WDR81: variants seen among roughly 807,000 people sequenced by gnomAD.
WDR81 encodes the protein WD repeat-containing protein 81.
In WDR81, 92 loss-of-function variants were observed where a neutral mutation model predicts 140.8. The ratio of observed to expected loss-of-function variants is 0.65; its 90% CI spans 0.55 to 0.78. The LOEUF is 0.78. Ranked by LOEUF, WDR81 falls within the 30% of genes least tolerant of loss-of-function variation. The pLI, the probability that WDR81 is intolerant of heterozygous loss-of-function variation, is 0.00. For synonymous variants in WDR81, 1,183 were observed against 1,156.4 expected (o/e 1.02, Z -0.47); for missense variants, 2,502 against 2,636.4 (o/e 0.95, Z 1.12).
chr17:1,722,348 T>A (rs979796008), upstream of WDR81, among the ~76,000 whole-genome samples: 5 of 121,184 alleles, frequency 4.1e-5, no homozygotes, highest in Non-Finnish European at 9.4e-5. Flanking sequence ...TTTCTCTCTC[T>A]TTTTTTTTTT....
Position 1,726,725 on chromosome 17 carries a change from C to T in WDR81, c.1766C>T (p.Pro589Leu). The stretch of plus-strand genomic sequence containing the variant: ...GTGCAGCTCTTCGATCAGCCACACC[C>T]CCAGCGCCTGGCTGGGGCTCCTGCC... ...GVVQLFDQPH[P>L]QRLAGAPALA... Residue 589 changes from proline (P) to leucine (L), a missense_variant, in exon 1 of 10, where the codon CCC becomes CTC. Physicochemically the swap from Pro to Leu is moderately conservative, Grantham distance 98 (BLOSUM62 -3). Coordinates refer to ENST00000409644, the MANE Select transcript of WDR81 (RefSeq NM_001163809.2). 1.3e-6 allele frequency: 2 copies of T among 1,548,438 alleles called. No homozygotes were observed. Among genetic ancestry groups the T allele is most frequent in the Non-Finnish European group, 8.7e-7 (1 of 1,146,594 alleles).
intron 9 of WDR81, 32 bp downstream of exon 9, chr17:1,736,250 C>T: frequency 6.3e-7 from 1 of 1,579,446 alleles, no homozygotes; most frequent in South Asian, 1.1e-5. Flanking sequence ...CCCTTGCTGC[C>T]CAACCCCCGC....
At chr17:1,717,917 C>T (rs1914666589) in intron 1 of WDR81, among the ~76,000 whole-genome samples, 1 of 152,048 alleles carries the variant, frequency 6.6e-6, no homozygotes, top group South Asian at 2.1e-4. Flanking sequence ...TGGTGGCTGG[C>T]GCTGGGGAGG....
At position 1,735,229 on chromosome 17, in the gene WDR81, A is replaced by G. The variant is rs1904753213; in HGVS notation, c.5180-343A>G. ...TGGATCATGAGGTCAGGAGATCGAGACCATCCAGGCTAACATGGTAAAACC... is the reference window on the plus strand; with the variant it reads ...TGGATCATGAGGTCAGGAGATCGAGGCCATCCAGGCTAACATGGTAAAACC... On this transcript the variant is annotated intron_variant, in intron 7 of 9. Coordinates refer to ENST00000409644, the MANE Select transcript of WDR81 (RefSeq NM_001163809.2). This position sits in a 1 kb window ranked among gnomAD's most constrained non-coding sequence, Gnocchi z 4.2. Among the ~76,000 whole-genome samples the G allele has an allele frequency of 6.6e-6, 1 of 152,134 alleles. No individual in the cohort carries two copies. Among genetic ancestry groups the G allele is most frequent in the African/African-American group, 2.4e-5 (1 of 41,420 alleles).
rs1431914695 is a variant in WDR81 at position 1,728,103 on chromosome 17, G to A, written c.3144G>A (p.Glu1048=). 7 of 1,603,154 alleles carry A rather than the reference G, an allele frequency of 4.4e-6. No individual in the cohort carries two copies. The African/African-American group carries it at 6.7e-5, about 15-fold the overall frequency. Residue 1048 remains glutamate (E), a synonymous_variant, in exon 1 of 10, where the codon GAG becomes GAA. Transcript: ENST00000409644. ...GAGPGSCAFG[E]EIPMDGEPPA... ...GGCCTGGCTCCTGTGCTTTTGGGGAGGAGATTCCCATGGATGGGGAGCCTC... is the reference window on the plus strand; with the variant it reads ...GGCCTGGCTCCTGTGCTTTTGGGGAAGAGATTCCCATGGATGGGGAGCCTC...
In WDR81 at chr17:1,728,037, A is replaced by G; in HGVS notation, c.3078A>G (p.Ala1026=). ...EASQEESKDL[A]GAAEEEESGL... Reference sequence around the variant, plus strand: ...CCCAGGAGGAGAGCAAGGACCTGGCAGGGGCTGCTGAGGAGGAGGAGAGCG... The same window carrying G: ...CCCAGGAGGAGAGCAAGGACCTGGCGGGGGCTGCTGAGGAGGAGGAGAGCG... The change falls in exon 1 of 10, where the codon GCA becomes GCG. Residue 1026 remains alanine (A), a synonymous_variant. Coordinates refer to ENST00000409644, the MANE Select transcript of WDR81 (RefSeq NM_001163809.2). The G allele has an allele frequency of 6.4e-7, 1 of 1,555,710 alleles. No homozygotes were observed. The highest frequency in any genetic ancestry group is 8.7e-7 in the Non-Finnish European group (1 of 1,150,532).
In WDR81 at chr17:1,728,074, G is replaced by C. The variant is rs369748157; in HGVS notation, c.3115G>C (p.Ala1039Pro). The change falls in exon 1 of 10, where the codon GCC (alanine) becomes CCC (proline). Residue 1039 changes from alanine (A) to proline (P), a missense_variant. Physicochemically the swap from Ala to Pro is conservative, Grantham distance 27. This residue lies in a region of WDR81 where 1,737 missense variants were observed against 1,843.0 expected (regional missense o/e 0.94). Transcript: ENST00000409644. ...AEEEESGLPG[A>P]GPGSCAFGEE... ...GGAGGAGGAGAGCGGGCTGCCCGGG[G>C]CCGGGCCTGGCTCCTGTGCTTTTGG... 17 of 1,587,124 alleles carry C rather than the reference G, an allele frequency of 1.1e-5. No individual in the cohort carries two copies. In the Admixed American group the frequency reaches 2.9e-4, roughly 27 times the overall value.
chr17:1,732,161 C>T (rs181392530), intron 4 of WDR81, among the ~76,000 whole-genome samples, 164 bp from the exon 5 acceptor site: 91 of 152,254 alleles, frequency 6.0e-4, no homozygotes, highest in African/African-American at 2.1e-3. Flanking sequence ...CGCTTGAACC[C>T]GGGAGGCAGA....
chr17:1,729,913 G>A (rs536699972), intron 1 of WDR81, among the ~76,000 whole-genome samples: 9 of 151,898 alleles, frequency 5.9e-5, no homozygotes, highest in South Asian at 2.1e-4. Flanking sequence ...GAGTCAGGGC[G>A]GTGGAAGGTG....
At chr17:1,737,223 G>T (rs754644109) in intron 9 of WDR81, 142 bp from the exon 10 acceptor site, 70 of 697,868 alleles carry the variant, frequency 1.0e-4, no homozygotes, top group Non-Finnish European at 1.5e-4. Context: ...TATGGTGTGT[G>T]TGGGAGGGTG....
Position 1,731,212 on chromosome 17 carries a change from G to A in WDR81, c.4111G>A (p.Glu1371Lys). ...GGACATCCTGCCCCGGATCAGCCAT[G>A]AGGTCCTGCTGCCCGTGCTCAGCTT... ...LMDILPRISH[E>K]VLLPVLSFLT... is the part of the protein sequence containing the mutation. Residue 1371 changes from glutamate to lysine, a missense_variant, in exon 4 of 10, where the codon GAG becomes AAG. Coordinates refer to ENST00000409644, the MANE Select transcript of WDR81 (RefSeq NM_001163809.2). 6.2e-7 allele frequency: 1 copy of A among 1,613,586 alleles called. No homozygotes were observed. Among genetic ancestry groups the A allele is most frequent in the Non-Finnish European group, 8.5e-7 (1 of 1,180,002 alleles).
intron 9 of WDR81, 74 bp downstream of exon 9, chr17:1,736,292 T>C: frequency 6.6e-7 from 1 of 1,511,070 alleles, no homozygotes. Flanking sequence ...GCTTAGGGTC[T>C]GCCTGCCCGG....
rs376652517 is a variant in WDR81 at position 1,731,299 on chromosome 17, C to T, written c.4157+41C>T. 187 of 1,590,166 alleles carry T rather than the reference C, an allele frequency of 1.2e-4. 1 individual carries two copies. In the South Asian group the frequency reaches 1.6e-3, roughly 14 times the overall value. On this transcript the variant is annotated intron_variant, in intron 4 of 9. Transcript: ENST00000409644. ...AGCTGATGTAGGGGGACCGGCCCAG[C>T]GGAGGGGCTGCCCAGGAGGGGGTGG...
Position 1,727,158 on chromosome 17 carries a change from G to T in WDR81, c.2199G>T (p.Glu733Asp), listed in dbSNP as rs1385944354. The T allele has an allele frequency of 1.9e-6, 3 of 1,547,866 alleles. No individual in the cohort carries two copies. The highest frequency in any genetic ancestry group is 2.6e-6 in the Non-Finnish European group (3 of 1,145,202). ...EGFNPMQALEELEKTGNFLAK... is the reference protein window; with the variant it reads ...EGFNPMQALEDLEKTGNFLAK... The stretch of plus-strand genomic sequence containing the variant: ...TCAATCCCATGCAGGCCCTGGAGGA[G>T]CTGGAGAAAACGGGCAACTTCTTGG... Residue 733 changes from glutamate (E) to aspartate (D), a missense_variant, in exon 1 of 10, where the codon GAG becomes GAT. By Grantham distance (45) the Glu-to-Asp change is conservative. Transcript: ENST00000409644.
At chr17:1,729,004 G>T (rs1378158498) in intron 1 of WDR81, among the ~76,000 whole-genome samples, 2 of 152,102 alleles carry the variant, frequency 1.3e-5, no homozygotes, top group African/African-American at 4.8e-5. Flanking sequence ...CTGCACACTG[G>T]CAGAGCACCT....
rs1010132159 is a variant in WDR81 at position 1,728,228 on chromosome 17, A to G, written c.3269A>G (p.Tyr1090Cys). 3 of 1,609,118 alleles carry G rather than the reference A, an allele frequency of 1.9e-6. No individual in the cohort carries two copies. Among genetic ancestry groups the G allele is most frequent in the African/African-American group, 1.3e-5 (1 of 74,868 alleles). ...PETEDFQAGLYVTESPQPQEA... is the reference protein window; with the variant it reads ...PETEDFQAGLCVTESPQPQEA... ...ACAGAGGACTTCCAAGCCGGGCTCT[A>G]TGTGACTGAGTCTCCCCAGCCCCAG... Residue 1090 changes from tyrosine to cysteine, a missense_variant, in exon 1 of 10, where the codon TAT (tyrosine) becomes TGT (cysteine). Tyr to Cys is a radical substitution (Grantham distance 194). Around this residue, in one of 3 missense-constraint regions of WDR81, gnomAD observed 1,737 missense variants for 1,843.0 expected, o/e 0.94. Coordinates refer to ENST00000409644, the MANE Select transcript of WDR81 (RefSeq NM_001163809.2).
Position 1,730,965 on chromosome 17 carries a change from G to C in WDR81, c.3966+20G>C. 6.2e-7 allele frequency: 1 copy of C among 1,610,410 alleles called. No homozygotes were observed. The highest frequency in any genetic ancestry group is 8.5e-7 in the Non-Finnish European group (1 of 1,178,130). On this transcript the variant is annotated intron_variant, in intron 3 of 9. Transcript: ENST00000409644. The stretch of plus-strand genomic sequence containing the variant: ...TACCTGGTCAGTCGCTGGTTTGGCA[G>C]GCCCGGGGCTGGGAAGGCTGAGGAC...
chr17:1,734,899 G>A (rs974019163), intron 7 of WDR81, among the ~76,000 whole-genome samples: 2 of 152,196 alleles, frequency 1.3e-5, no homozygotes, highest in African/African-American at 2.4e-5. Flanking sequence ...TTAAAAGGGG[G>A]AAAGGGATGG....
upstream of WDR81, among the ~76,000 whole-genome samples, chr17:1,720,759 C>T (rs1490174799): frequency 3.6e-5 from 5 of 139,896 alleles, no homozygotes; most frequent in South Asian, 7.3e-4. Context: ...AGTCAGACTC[C>T]GTATCAAGAA....
Sources: gnomAD v4.1 joint callset for allele counts (sites outside exome capture counted in the v4.1 genomes callset) on GRCh38, gnomAD v4.1.1 for gene constraint, gnomAD v4.1.1 regional missense constraint, Gnocchi (gnomAD v3.1) non-coding constraint, MANE v1.5 for transcripts, NCBI Gene and HGNC (gene_info 2026-07-23, HGNC 2026-07-21) for gene names.